The following HSD17B11 variants were observed in gnomAD, a reference collection of about 807,000 sequenced individuals.
HSD17B11 encodes estradiol 17-beta-dehydrogenase 11.
HSD17B11 carries 22 observed loss-of-function variants against 27.8 expected under a neutral mutation model. That is an observed-to-expected ratio of 0.79 (90% CI 0.56 to 1.13). The LOEUF (loss-of-function observed/expected upper bound fraction) is 1.13. Ranked by LOEUF, HSD17B11 falls within the 50% of genes most tolerant of loss-of-function variation. The pLI is 0.00. For missense variants in HSD17B11, 314 were observed against 351.1 expected (o/e 0.89, Z 0.84); for synonymous variants, 117 against 132.8 (o/e 0.88, Z 0.82).
intron 1 of HSD17B11, among the ~76,000 whole-genome samples, chr4:87,387,996 T>C (rs1560773340): frequency 6.6e-6 from 1 of 152,060 alleles, no homozygotes; most frequent in Non-Finnish European, 1.5e-5. Context: ...AGGATCCTCT[T>C]CAATAGGAAT....
chr4:87,372,983 C>T (rs1735749696), intron 3 of HSD17B11, among the ~76,000 whole-genome samples, 168 bp from the exon 4 acceptor site: 1 of 152,006 alleles, frequency 6.6e-6, no homozygotes, highest in African/African-American at 2.4e-5. Context: ...GATATGATGC[C>T]CACATTAGAA....
At chr4:87,384,471 C>T (rs1720253584) in intron 1 of HSD17B11, among the ~76,000 whole-genome samples, 1 of 152,160 alleles carries the variant, frequency 6.6e-6, no homozygotes, top group Non-Finnish European at 1.5e-5. Flanking sequence ...TATTTTTCTT[C>T]TTGCAGACAG....
rs1578032383 is a variant in HSD17B11 at position 87,340,607 on chromosome 4, C to T, written c.696-1G>A. On this transcript the variant is annotated splice_acceptor_variant, in intron 5 of 6. Transcript: ENST00000358290. LOFTEE classifies it high-confidence loss of function. ...CTCAGGTTCCAGAGTGGGTCCCAAA[C>T]TGAAATCAGAGTCAGTCTTCAGAAA... The T allele has an allele frequency of 1.2e-6, 2 of 1,601,646 alleles. No individual in the cohort carries two copies. Among genetic ancestry groups the T allele is most frequent in the South Asian group, 1.1e-5 (1 of 89,914 alleles).
At chr4:87,341,609 C>A (rs2110112224) in intron 5 of HSD17B11, among the ~76,000 whole-genome samples, 3 of 152,282 alleles carry the variant, frequency 2.0e-5, no homozygotes, top group African/African-American at 7.2e-5. Flanking sequence ...CCCCGTAATC[C>A]CAGCACTTTG....
intron 2 of HSD17B11, among the ~76,000 whole-genome samples, chr4:87,381,042 C>T (rs898573501): frequency 2.7e-5 from 4 of 150,328 alleles, no homozygotes; most frequent in East Asian, 2.0e-4. Flanking sequence ...AAAATTAGCC[C>T]GGCATGATGG....
At chr4:87,389,831 T>TC (rs761320703) in intron 1 of HSD17B11, among the ~76,000 whole-genome samples, 2 of 152,098 alleles carry the variant, frequency 1.3e-5, no homozygotes, top group African/African-American at 2.4e-5. Context: ...CCTCTTCTCC[T>TC]CCCTAAGCCA....
intron 4 of HSD17B11, among the ~76,000 whole-genome samples, chr4:87,372,279 G>T (rs1735732390): frequency 6.8e-6 from 1 of 147,702 alleles, no homozygotes; most frequent in Admixed American, 6.8e-5. Context: ...ACCCACCTAT[G>T]CCTAATATTC....
At chr4:87,347,103 A>ATTTTTTTTTTTTTTTTTTTTTTT (rs763068482) in intron 5 of HSD17B11, among the ~76,000 whole-genome samples, 1 of 62,596 alleles carries the variant, frequency 1.6e-5, no homozygotes. Flanking sequence ...AGTATTCTGG[A>ATTTTTTTTTTTTTTTTTTTTTTT]TTTTTTTTTT....
intron 1 of HSD17B11, among the ~76,000 whole-genome samples, chr4:87,389,637 T>C (rs1720406062): frequency 6.6e-6 from 1 of 152,234 alleles, no homozygotes; most frequent in South Asian, 2.1e-4. Flanking sequence ...CATTATTTGT[T>C]GATTGCTGTC....
At chr4:87,362,894 G>C (rs1456794963) in intron 4 of HSD17B11, among the ~76,000 whole-genome samples, 1 of 152,102 alleles carries the variant, frequency 6.6e-6, no homozygotes, top group African/African-American at 2.4e-5. Flanking sequence ...CCTGCCACAG[G>C]CAATACTTTC....
intron 2 of HSD17B11, among the ~76,000 whole-genome samples, chr4:87,379,511 TATA>T (rs1387641376): frequency 6.8e-6 from 1 of 146,898 alleles, no homozygotes; most frequent in African/African-American, 2.5e-5. Flanking sequence ...TATATACATA[TATA>T]ATATGTACAT....
intron 3 of HSD17B11, chr4:87,374,312 A>T (rs556939913): frequency 5.9e-6 from 1 of 169,604 alleles, no homozygotes; most frequent in Non-Finnish European, 1.2e-5. Context: ...ACAGAGTGAG[A>T]CCCTGTCTAA....
chr4:87,388,179 A>AG (rs1197209957), intron 1 of HSD17B11, among the ~76,000 whole-genome samples: 1 of 151,806 alleles, frequency 6.6e-6, no homozygotes, highest in Non-Finnish European at 1.5e-5. Context: ...AAAAAAAAAA[A>AG]ACAATCTAGT....
intron 4 of HSD17B11, among the ~76,000 whole-genome samples, chr4:87,363,205 A>G (rs1490913222): frequency 1.3e-5 from 2 of 152,118 alleles, no homozygotes; most frequent in African/African-American, 4.8e-5. Context: ...CTGCTCAGGG[A>G]AAAGGAACCC....
At chr4:87,387,112 G>T (rs1384427806) in intron 1 of HSD17B11, 1 of 152,242 alleles carries the variant, frequency 6.6e-6, no homozygotes, top group African/African-American at 2.4e-5. Context: ...CCGGCCTCAA[G>T]CAATCTTGCT....
chr4:87,360,139 G>GTT (rs11409719), intron 4 of HSD17B11, among the ~76,000 whole-genome samples: 2 of 151,830 alleles, frequency 1.3e-5, no homozygotes, highest in South Asian at 2.1e-4. Context: ...TTTCATCTGA[G>GTT]TTTTTTTCAA....
intron 1 of HSD17B11, among the ~76,000 whole-genome samples, chr4:87,385,576 T>G (rs2110134250): frequency 6.6e-6 from 1 of 152,188 alleles, no homozygotes; most frequent in East Asian, 1.9e-4. Context: ...GTTAAAATGG[T>G]GTGTTATGTC....
chr4:87,391,163 A>G lies in HSD17B11; in HGVS notation c.-93T>C, dbSNP rs1376948644. The G allele has an allele frequency of 1.2e-6, 1 of 866,506 alleles. No homozygotes were observed. The highest frequency in any genetic ancestry group is 1.8e-6 in the Non-Finnish European group (1 of 567,290). The allele number at this position is 866,506 out of a possible 1,614,324, so 53.7% of individuals were successfully genotyped here. A position where few individuals can be genotyped will look rare whatever the true frequency, so the allele number is the denominator to read the frequency against. On this transcript the variant is annotated 5_prime_UTR_variant, in exon 1 of 7. Transcript: ENST00000358290. ...GGTAGCTCGATCTAACACCAGAAAG[A>G]GTAGGGGCGAGAGCAAGGAGGAACT... is the stretch of plus-strand genomic sequence containing the variant.
intron 4 of HSD17B11, among the ~76,000 whole-genome samples, chr4:87,371,016 T>C (rs1162199423): frequency 6.5e-5 from 9 of 138,518 alleles, no homozygotes; most frequent in Non-Finnish European, 1.2e-4. Flanking sequence ...CCTCCCAAAG[T>C]GCTGGGATTA....
Sources: gnomAD v4.1 joint callset for allele counts (sites outside exome capture counted in the v4.1 genomes callset) on GRCh38, gnomAD v4.1.1 for gene constraint, MANE v1.5 for transcripts, NCBI Gene and HGNC (gene_info 2026-07-23, HGNC 2026-07-21) for gene names.